FHIT: variants seen among roughly 807,000 people sequenced by gnomAD.
The protein encoded by FHIT is bis(5'-adenosyl)-triphosphatase.
A neutral mutation model predicts 17.9 loss-of-function variants in FHIT; 19 were observed. That is an observed-to-expected ratio of 1.06 (90% CI 0.74 to 1.56). The LOEUF (loss-of-function observed/expected upper bound fraction) is 1.56. FHIT is among the 40% of genes most tolerant of loss of function. The pLI is 0.00. For synonymous variants in FHIT, 81 were observed against 69.7 expected, an observed-to-expected ratio of 1.16 and a Z score of -0.81; for missense variants, 248 against 189.2, an observed-to-expected ratio of 1.31 and a Z score of -1.82.
chr3:59,899,605 G>A (rs1045196925), intron 8 of FHIT, among the ~76,000 whole-genome samples: 10 of 152,020 alleles, frequency 6.6e-5, no homozygotes, highest in South Asian at 2.1e-4. Context: ...AGGCCGAGGC[G>A]GACGGATTGC....
At chr3:60,347,032 T>C (rs1165979612) in intron 5 of FHIT, among the ~76,000 whole-genome samples, 2 of 150,850 alleles carry the variant, frequency 1.3e-5, no homozygotes, top group South Asian at 4.2e-4. Context: ...TGATAAAAAA[T>C]AGATGGAGTT....
chr3:60,869,287 G>C (rs1164146223), intron 3 of FHIT, among the ~76,000 whole-genome samples: 1 of 152,146 alleles, frequency 6.6e-6, no homozygotes, highest in Non-Finnish European at 1.5e-5. Context: ...CTAAGTAACA[G>C]AAACCAAATC....
Position 61,202,789 on chromosome 3 carries a change from C to G in FHIT, c.-212-2124G>C, listed in dbSNP as rs370003752. On this transcript the variant is annotated intron_variant, in intron 1 of 9. Transcript: ENST00000492590. The stretch of plus-strand genomic sequence containing the variant: ...GCAACAGTGCGGACACTGTGTCTCA[C>G]GCCTGTAATCCCAGCACTTTGGGAC... 3.9e-5 allele frequency among the ~76,000 whole-genome samples: 6 copies of G among 152,276 alleles called. No homozygotes were observed. In the South Asian group the frequency reaches 1.2e-3, roughly 32 times the overall value.
intron 8 of FHIT, among the ~76,000 whole-genome samples, chr3:59,822,045 C>T (rs1270782154): frequency 6.6e-6 from 1 of 152,150 alleles, no homozygotes; most frequent in Non-Finnish European, 1.5e-5. Flanking sequence ...TGAGAACATA[C>T]AATGTTTGGT....
At chr3:60,596,200 C>T (rs1576944019) in intron 4 of FHIT, 1 of 192,692 alleles carries the variant, frequency 5.2e-6, no homozygotes, top group East Asian at 1.9e-4. Flanking sequence ...ACTAAACACC[C>T]AGTCTCCACT....
chr3:60,616,740 T>C (rs546908681), intron 4 of FHIT: 3 of 152,320 alleles, frequency 2.0e-5, no homozygotes, highest in East Asian at 1.9e-4. Flanking sequence ...TGTCAAGATA[T>C]CAGTTCTTCT....
intron 8 of FHIT, among the ~76,000 whole-genome samples, chr3:59,851,230 G>A (rs1341105870): frequency 6.6e-6 from 1 of 152,070 alleles, no homozygotes; most frequent in Non-Finnish European, 1.5e-5. Context: ...GCTCAAAAAC[G>A]ATCAGAGCTC....
chr3:60,180,727 C>G (rs556725771), intron 5 of FHIT, among the ~76,000 whole-genome samples: 1 of 152,044 alleles, frequency 6.6e-6, no homozygotes, highest in Non-Finnish European at 1.5e-5. Context: ...CACAGATAAG[C>G]ATTTATCTTT....
intron 4 of FHIT, among the ~76,000 whole-genome samples, chr3:60,664,205 T>G (rs1553691872): frequency 8.5e-5 from 13 of 152,178 alleles, no homozygotes; most frequent in Non-Finnish European, 1.9e-4. Flanking sequence ...TTTACTTTTT[T>G]TATTTTTAAT....
chr3:60,059,076 AC>A (rs1345145174), intron 5 of FHIT, among the ~76,000 whole-genome samples: 1 of 151,836 alleles, frequency 6.6e-6, no homozygotes, highest in Non-Finnish European at 1.5e-5. Flanking sequence ...CCCTCCCAAC[AC>A]CCCCACCAGG....
chr3:59,922,880 T>C (rs1181734095), intron 7 of FHIT, among the ~76,000 whole-genome samples: 1 of 152,108 alleles, frequency 6.6e-6, no homozygotes, highest in Non-Finnish European at 1.5e-5. Context: ...ATAATAGTAA[T>C]ACAAACAGTT....
intron 5 of FHIT, among the ~76,000 whole-genome samples, chr3:60,323,691 CCTTAAATTA>C (rs1477470154): frequency 6.6e-6 from 1 of 152,208 alleles, no homozygotes; most frequent in Non-Finnish European, 1.5e-5. Flanking sequence ...CTCAGTTCCT[CCTTAAATTA>C]CTTTGACTTA....
intron 4 of FHIT, among the ~76,000 whole-genome samples, chr3:60,557,373 G>A (rs2036776667): frequency 6.6e-6 from 1 of 151,922 alleles, no homozygotes; most frequent in African/African-American, 2.4e-5. Context: ...CTACATCCTG[G>A]TGGGTGAGCG....
At chr3:59,994,764 G>C (rs177035) in intron 7 of FHIT, among the ~76,000 whole-genome samples, 1 of 152,084 alleles carries the variant, frequency 6.6e-6, no homozygotes, top group Non-Finnish European at 1.5e-5. Flanking sequence ...CCATTGATAA[G>C]ACATGGCATT....
At chr3:59,956,425 T>G (rs1003543736) in intron 7 of FHIT, among the ~76,000 whole-genome samples, 1 of 152,138 alleles carries the variant, frequency 6.6e-6, no homozygotes, top group Non-Finnish European at 1.5e-5. Context: ...ATCTCAGCAC[T>G]TTGGGAGGCC....
At chr3:59,780,139 AG>A (rs1304489901) in intron 8 of FHIT, among the ~76,000 whole-genome samples, 3 of 152,170 alleles carry the variant, frequency 2.0e-5, no homozygotes, top group African/African-American at 7.2e-5. Context: ...CCTGACAAGT[AG>A]GGATTTTTGG....
chr3:59,893,282 C>T (rs1703932066), intron 8 of FHIT, among the ~76,000 whole-genome samples: 1 of 152,132 alleles, frequency 6.6e-6, no homozygotes, highest in Non-Finnish European at 1.5e-5. Context: ...ATCCCAGGCC[C>T]CATCTACCAG....
At chr3:60,699,592 A>C (rs2041191854) in intron 4 of FHIT, among the ~76,000 whole-genome samples, 1 of 146,338 alleles carries the variant, frequency 6.8e-6, no homozygotes, top group African/African-American at 2.8e-5. Flanking sequence ...AGATAAAAGC[A>C]TTATCGTTAG....
chr3:60,051,547 C>A (rs1357010354), intron 5 of FHIT, among the ~76,000 whole-genome samples: 2 of 152,104 alleles, frequency 1.3e-5, no homozygotes, highest in African/African-American at 4.8e-5. Context: ...CCACTGGTGC[C>A]ATGCCACTTT....
Sources: allele counts gnomAD v4.1 joint callset (sites outside exome capture counted in the v4.1 genomes callset), GRCh38; gene constraint gnomAD v4.1.1; transcripts MANE v1.5; gene names NCBI Gene and HGNC (gene_info 2026-07-23, HGNC 2026-07-21).